The following DPEP2NB variants were observed in gnomAD, a reference collection of about 807,000 sequenced individuals.
DPEP2NB encodes DPEP2 neighbor, also known as DPEP2 neighbor protein.
For missense variants in DPEP2NB, 117 were observed against 151.8 expected (o/e 0.77, Z 1.21); for synonymous variants, 35 against 55.3 (o/e 0.63, Z 1.63).
Position 68,015,774 on chromosome 16 carries a change from C to A in DPEP2NB, c.-4G>T. On this transcript the variant is annotated 5_prime_UTR_variant, in exon 1 of 2. Coordinates refer to ENST00000574912, the MANE Select transcript of DPEP2NB (RefSeq NM_001282442.2). ...TATAGAGGATCCGGTCAGTCATTCT[C>A]TCTCAGCCAACCAAACAGATTGGTA... 1 of 1,230,580 alleles carries A rather than the reference C, an allele frequency of 8.1e-7. No individual in the cohort carries two copies. 76.2% of individuals were successfully genotyped at this position (1,230,580 alleles called of 1,614,324 possible). A position where few individuals can be genotyped will look rare whatever the true frequency, so the allele number is the denominator to read the frequency against.
intron 1 of DPEP2NB, 100 bp downstream of exon 1, chr16:68,015,604 A>C: frequency 1.6e-6 from 1 of 609,486 alleles, no homozygotes; most frequent in Non-Finnish European, 2.4e-6. Context: ...ATGGCTGGGA[A>C]AGCTCGAGGT....
Position 68,014,037 on chromosome 16 carries a change from A to G in DPEP2NB, c.*71T>C. 1.7e-6 allele frequency: 2 copies of G among 1,144,378 alleles called. No homozygotes were observed. 70.9% of individuals were successfully genotyped at this position (1,144,378 alleles called of 1,614,324 possible). A position where few individuals can be genotyped will look rare whatever the true frequency, so the allele number is the denominator to read the frequency against. On this transcript the variant is annotated 3_prime_UTR_variant, in exon 2 of 2. Coordinates refer to ENST00000574912, the MANE Select transcript of DPEP2NB (RefSeq NM_001282442.2). ...TCAGGCTCTATCTGCAGTGGTGGGC[A>G]GGGGAGGTCACCGCAGAAGAGGCAT...
chr16:68,014,991 C>A (rs368739658), intron 1 of DPEP2NB, among the ~76,000 whole-genome samples: 5 of 151,390 alleles, frequency 3.3e-5, no homozygotes, highest in African/African-American at 4.9e-5. Context: ...GGTGACAGAG[C>A]GAGACACTGT....
At position 68,015,887 on chromosome 16, in the gene DPEP2NB, C is replaced by A; in HGVS notation, c.-117G>T. 1 of 452,386 alleles carries A rather than the reference C, an allele frequency of 2.2e-6. No individual in the cohort carries two copies. The highest frequency in any genetic ancestry group is 3.6e-6 in the Non-Finnish European group (1 of 276,970). 28.0% of individuals were successfully genotyped at this position (452,386 alleles called of 1,614,324 possible). Reference sequence around the variant, plus strand: ...AAACTTTGGAAGCTTGTGAGGTCATCACTACCCTGTGAAGTCACCTAAGGA... The same window carrying A: ...AAACTTTGGAAGCTTGTGAGGTCATAACTACCCTGTGAAGTCACCTAAGGA... On this transcript the variant is annotated 5_prime_UTR_variant, in exon 1 of 2. Transcript: ENST00000574912.
At position 68,014,357 on chromosome 16, in the gene DPEP2NB, T is replaced by G; in HGVS notation, c.123A>C (p.Arg41=). ...PTPGHYHVLY[R]GCGETQVGWH... ...AGCCTACCTGAGTTTCTCCACACCC[T>G]CGGTAGAGAACATGGTAGTGCCCAG... The change falls in exon 2 of 2, where the codon CGA becomes CGC. Residue 41 remains arginine (R), a synonymous_variant. Transcript: ENST00000574912. 1 of 1,231,694 alleles carries G rather than the reference T, an allele frequency of 8.1e-7. No homozygotes were observed. Among genetic ancestry groups the G allele is most frequent in the Non-Finnish European group, 1.0e-6 (1 of 987,990 alleles). The allele number at this position is 1,231,694 out of a possible 1,614,324, so 76.3% of individuals were successfully genotyped here. A position where few individuals can be genotyped will look rare whatever the true frequency, so the allele number is the denominator to read the frequency against.
intron 1 of DPEP2NB, 131 bp from the exon 2 acceptor site, chr16:68,014,543 C>T (rs553335857): frequency 2.0e-5 from 10 of 506,196 alleles, no homozygotes; most frequent in East Asian, 1.8e-4. Context: ...GGCCTATCAC[C>T]TCTATGTGTC....
intron 1 of DPEP2NB, among the ~76,000 whole-genome samples, chr16:68,014,825 G>A (rs1856083382): frequency 6.6e-6 from 1 of 152,048 alleles, no homozygotes; most frequent in South Asian, 2.1e-4. Flanking sequence ...CCAACATGGT[G>A]AAACCCCATC....
At position 68,013,802 on chromosome 16, in the gene DPEP2NB, C is replaced by T; in HGVS notation, c.*306G>A. The T allele has an allele frequency of 4.0e-6, 1 of 248,928 alleles. No individual in the cohort carries two copies. Among genetic ancestry groups the T allele is most frequent in the Non-Finnish European group, 7.6e-6 (1 of 131,800 alleles). The allele number at this position is 248,928 out of a possible 1,614,324, so 15.4% of individuals were successfully genotyped here. A position where few individuals can be genotyped will look rare whatever the true frequency, so the allele number is the denominator to read the frequency against. On this transcript the variant is annotated 3_prime_UTR_variant, in exon 2 of 2. Coordinates refer to ENST00000574912, the MANE Select transcript of DPEP2NB (RefSeq NM_001282442.2). The stretch of plus-strand genomic sequence containing the variant: ...TCCCTCTCTGCACTTGACTCCTCGG[C>T]TAGCAGAGTGCAGACTATTTCTATC...
Position 68,013,799 on chromosome 16 carries a change from C to T in DPEP2NB, c.*309G>A, listed in dbSNP as rs1013293642. 15 of 239,382 alleles carry T rather than the reference C, an allele frequency of 6.3e-5. No individual in the cohort carries two copies. The highest frequency in any genetic ancestry group is 4.5e-4 in the Admixed American group (8 of 17,692). The allele number at this position is 239,382 out of a possible 1,614,324, so 14.8% of individuals were successfully genotyped here. The stretch of plus-strand genomic sequence containing the variant: ...CACTCCCTCTCTGCACTTGACTCCT[C>T]GGCTAGCAGAGTGCAGACTATTTCT... On this transcript the variant is annotated 3_prime_UTR_variant, in exon 2 of 2. Transcript: ENST00000574912.
intron 1 of DPEP2NB, among the ~76,000 whole-genome samples, chr16:68,015,264 G>A (rs547213086): frequency 3.3e-5 from 5 of 150,690 alleles, no homozygotes; most frequent in East Asian, 3.9e-4. Context: ...GTGGTGGCGC[G>A]TGCCTGTAGT....
In DPEP2NB at chr16:68,015,890, T is replaced by A; in HGVS notation, c.-120A>T. On this transcript the variant is annotated 5_prime_UTR_variant, in exon 1 of 2. Transcript: ENST00000574912. ...CTTTGGAAGCTTGTGAGGTCATCACTACCCTGTGAAGTCACCTAAGGAATC... is the reference window on the plus strand; with the variant it reads ...CTTTGGAAGCTTGTGAGGTCATCACAACCCTGTGAAGTCACCTAAGGAATC... 2.3e-6 allele frequency: 1 copy of A among 442,544 alleles called. No individual in the cohort carries two copies. Among genetic ancestry groups the A allele is most frequent in the South Asian group, 1.2e-4 (1 of 8,250 alleles). The allele number at this position is 442,544 out of a possible 1,614,324, so 27.4% of individuals were successfully genotyped here.
At chr16:68,014,536 C>T in intron 1 of DPEP2NB, 124 bp from the exon 2 acceptor site, 1 of 533,524 alleles carries the variant, frequency 1.9e-6, no homozygotes. Flanking sequence ...CAGCCTTGGC[C>T]TATCACCTCT....
intron 1 of DPEP2NB, among the ~76,000 whole-genome samples, chr16:68,015,250 G>C (rs950932234): frequency 1.1e-4 from 17 of 151,318 alleles, no homozygotes; most frequent in African/African-American, 4.1e-4. Context: ...AAAATTAGCT[G>C]GGTGTGGTGG....
At chr16:68,014,966 C>T (rs1287384500) in intron 1 of DPEP2NB, among the ~76,000 whole-genome samples, 2 of 152,024 alleles carry the variant, frequency 1.3e-5, no homozygotes, top group East Asian at 1.9e-4. Context: ...GATCGCACCA[C>T]TGCATTCCAG....
At chr16:68,015,456 A>T (rs1309378609) in intron 1 of DPEP2NB, among the ~76,000 whole-genome samples, 3 of 78,784 alleles carry the variant, frequency 3.8e-5, no homozygotes, top group African/African-American at 1.3e-4. Flanking sequence ...CATCTCAATT[A>T]AAAAAAAAAA....
Position 68,013,989 on chromosome 16 carries a change from G to A in DPEP2NB, c.*119C>T. ...TTAGCATGGAAGGGGGCTTCTGGATGAGGAAGGCATAGGCAGAATGACTCA... is the reference window on the plus strand; with the variant it reads ...TTAGCATGGAAGGGGGCTTCTGGATAAGGAAGGCATAGGCAGAATGACTCA... On this transcript the variant is annotated 3_prime_UTR_variant, in exon 2 of 2. Coordinates refer to ENST00000574912, the MANE Select transcript of DPEP2NB (RefSeq NM_001282442.2). 2 of 773,432 alleles carry A rather than the reference G, an allele frequency of 2.6e-6. No homozygotes were observed. Among genetic ancestry groups the A allele is most frequent in the Non-Finnish European group, 3.5e-6 (2 of 569,934 alleles). 47.9% of individuals were successfully genotyped at this position (773,432 alleles called of 1,614,324 possible).
chr16:68,014,256 G>A lies in DPEP2NB; in HGVS notation c.224C>T (p.Ala75Val), dbSNP rs2033151838. ...CCTGGGGGCTGGCTTCTCTGCTTCA[G>A]CCTTTGTTGGGGTGGCCAAAGGAGC... ...GDAPLATPTK[A>V]EAEKPAPRRA... Residue 75 changes from alanine to valine, a missense_variant, in exon 2 of 2, where the codon GCT (alanine) becomes GTT (valine). Transcript: ENST00000574912. 8.1e-7 allele frequency: 1 copy of A among 1,231,718 alleles called. No homozygotes were observed. Among genetic ancestry groups the A allele is most frequent in the East Asian group, 3.2e-5 (1 of 31,700 alleles). 76.3% of individuals were successfully genotyped at this position (1,231,718 alleles called of 1,614,324 possible).
In DPEP2NB at chr16:68,015,837, C is replaced by G; in HGVS notation, c.-67G>C. The G allele has an allele frequency of 1.1e-6, 1 of 882,060 alleles. No homozygotes were observed. Among genetic ancestry groups the G allele is most frequent in the African/African-American group, 1.7e-5 (1 of 57,710 alleles). The allele number at this position is 882,060 out of a possible 1,614,324, so 54.6% of individuals were successfully genotyped here. A position where few individuals can be genotyped will look rare whatever the true frequency, so the allele number is the denominator to read the frequency against. ...ATGGTAGGGAGGCTTCTCTAGGACGCAGGTGTGTAGTCACGCTGCCATGGA... is the reference window on the plus strand; with the variant it reads ...ATGGTAGGGAGGCTTCTCTAGGACGGAGGTGTGTAGTCACGCTGCCATGGA... On this transcript the variant is annotated 5_prime_UTR_variant, in exon 1 of 2. Coordinates refer to ENST00000574912, the MANE Select transcript of DPEP2NB (RefSeq NM_001282442.2).
chr16:68,015,651 TG>T, intron 1 of DPEP2NB, 52 bp downstream of exon 1: 1 of 1,042,966 alleles, frequency 9.6e-7, no homozygotes, highest in Non-Finnish European at 1.2e-6. Context: ...GTCAGCCAGG[TG>T]AAGCTGTGGG....
Sources: allele counts gnomAD v4.1 joint callset (sites outside exome capture counted in the v4.1 genomes callset), GRCh38; gene constraint gnomAD v4.1.1; transcripts MANE v1.5; gene names NCBI Gene and HGNC (gene_info 2026-07-23, HGNC 2026-07-21).